The following ABCC9 variants were observed in gnomAD, a reference collection of about 807,000 sequenced individuals.
ABCC9 encodes ATP-binding cassette sub-family C member 9.
In ABCC9, 95 loss-of-function variants were observed where a neutral mutation model predicts 188.3. That is an observed-to-expected ratio of 0.50 (90% CI 0.43 to 0.60). The LOEUF is 0.60. Ranked by LOEUF, ABCC9 falls within the 20% of genes least tolerant of loss-of-function variation. The pLI is 0.00. For missense variants in ABCC9, 1,102 were observed against 1,876.3 expected, an observed-to-expected ratio of 0.59 and a Z score of 7.62; for synonymous variants, 659 against 652.7, an observed-to-expected ratio of 1.01 and a Z score of -0.15.
At chr12:21,925,299 GA>G in intron 5 of ABCC9, 2 of 494,244 alleles carry the variant, frequency 4.0e-6, no homozygotes, top group Non-Finnish European at 3.6e-6. Context: ...ATAAAATTAG[GA>G]ATATTTTAGA....
At chr12:21,896,079 C>CTT (rs5796933) in intron 12 of ABCC9, among the ~76,000 whole-genome samples, 5 of 128,044 alleles carry the variant, frequency 3.9e-5, no homozygotes, top group Middle Eastern at 4.2e-3. Flanking sequence ...ATCTAATTTT[C>CTT]TTTTTTTTTT....
chr12:21,915,961 C>T, intron 6 of ABCC9, 51 bp from the exon 7 acceptor site: 4 of 1,553,776 alleles, frequency 2.6e-6, no homozygotes, highest in Non-Finnish European at 3.5e-6. Context: ...TTATTTTCCA[C>T]ATATTAAAAA....
chr12:21,909,139 G>C (rs1337419527), intron 10 of ABCC9, among the ~76,000 whole-genome samples: 1 of 151,864 alleles, frequency 6.6e-6, no homozygotes, highest in Non-Finnish European at 1.5e-5. Flanking sequence ...GTCATTCAGA[G>C]ACTTTTGGTG....
chr12:21,812,245 T>G, intron 35 of ABCC9, 88 bp from the exon 36 acceptor site: 1 of 1,053,288 alleles, frequency 9.5e-7, no homozygotes, highest in South Asian at 1.3e-5. Flanking sequence ...ATTTCTTAGT[T>G]AGGGGTTGAA....
intron 2 of ABCC9, among the ~76,000 whole-genome samples, chr12:21,938,710 A>T (rs1335607580): frequency 1.3e-5 from 2 of 152,222 alleles, no homozygotes; most frequent in African/African-American, 4.8e-5. Context: ...AACTAGTATC[A>T]TTGAGGTAGA....
chr12:21,895,051 G>A (rs1230099392), intron 13 of ABCC9, among the ~76,000 whole-genome samples: 5 of 152,226 alleles, frequency 3.3e-5, no homozygotes, highest in East Asian at 1.9e-4. Context: ...GCTGCCAAAC[G>A]TCCTAACACA....
At chr12:21,845,533 G>T in intron 26 of ABCC9, 70 bp downstream of exon 26, 1 of 1,233,224 alleles carries the variant, frequency 8.1e-7, no homozygotes, top group East Asian at 2.4e-5. Context: ...CATCTAACTA[G>T]ATAAGAAGGT....
chr12:21,917,811 A>T (rs1205729404), intron 5 of ABCC9, among the ~76,000 whole-genome samples: 1 of 152,208 alleles, frequency 6.6e-6, no homozygotes, highest in East Asian at 1.9e-4. Flanking sequence ...TTTGGCAAGG[A>T]TACAATCTAC....
chr12:21,842,415 G>A lies in ABCC9; in HGVS notation c.3372C>T (p.Ala1124=), dbSNP rs1445361823. The A allele has an allele frequency of 1.2e-6, 2 of 1,613,980 alleles. No homozygotes were observed. The highest frequency in any genetic ancestry group is 1.7e-6 in the Non-Finnish European group (2 of 1,179,982). ...GAGTAGCATAAGAAATCATCCCAAT[G>A]GCAGACAGGCAGAGCAGTGTTGAGC... ...LTRSTLLCLS[A]IGMISYATPV... The change falls in exon 29 of 40, where the codon GCC becomes GCT. Residue 1124 remains alanine, a synonymous_variant. Coordinates refer to ENST00000261200, the MANE Select transcript of ABCC9 (RefSeq NM_020297.4).
chr12:21,861,987 G>C (rs1945531671), intron 20 of ABCC9, among the ~76,000 whole-genome samples: 1 of 152,056 alleles, frequency 6.6e-6, no homozygotes, highest in Non-Finnish European at 1.5e-5. Context: ...TGAAGATGCT[G>C]GGGGAAATGG....
chr12:21,817,411 A>C (rs774685334), intron 32 of ABCC9, 104 bp from the exon 33 acceptor site: 275 of 1,069,142 alleles, frequency 2.6e-4, no homozygotes, highest in Middle Eastern at 2.1e-4. Flanking sequence ...ATTAGTGTAC[A>C]TGTGTGATAC....
intron 4 of ABCC9, 135 bp downstream of exon 4, chr12:21,933,647 C>T (rs1381696015): frequency 2.1e-6 from 2 of 931,414 alleles, no homozygotes; most frequent in East Asian, 5.2e-5. Flanking sequence ...TAAGAACTTC[C>T]TGCAAGAGCT....
chr12:21,803,038 G>A (rs183590213), intron 39 of ABCC9, among the ~76,000 whole-genome samples: 2 of 151,634 alleles, frequency 1.3e-5, no homozygotes, highest in African/African-American at 4.8e-5. Flanking sequence ...TATGTATTAG[G>A]TTGGTGCAAA....
At chr12:21,902,505 A>G (rs544005211) in intron 12 of ABCC9, among the ~76,000 whole-genome samples, 60 of 152,374 alleles carry the variant, frequency 3.9e-4, no homozygotes, top group South Asian at 2.1e-3. Flanking sequence ...AAATGAATCC[A>G]GGAGCTGGTT....
Position 21,798,028 on chromosome 12 carries a change from T to C in ABCC9, c.*3016A>G, listed in dbSNP as rs936799410. 2 of 152,206 alleles carry C rather than the reference T, an allele frequency of 1.3e-5. No individual in the cohort carries two copies. The highest frequency in any genetic ancestry group is 2.9e-5 in the Non-Finnish European group (2 of 68,042). The allele number at this position is 152,206 out of a possible 1,614,324, so 9.4% of individuals were successfully genotyped here. A position where few individuals can be genotyped will look rare whatever the true frequency, so the allele number is the denominator to read the frequency against. On this transcript the variant is annotated 3_prime_UTR_variant, in exon 40 of 40. Transcript: ENST00000261200. Reference sequence around the variant, plus strand: ...ATAGATTATATGTATAATAAATGGTTAATCAATGAAAAACATTATCCTTGA... The same window carrying C: ...ATAGATTATATGTATAATAAATGGTCAATCAATGAAAAACATTATCCTTGA...
intron 24 of ABCC9, among the ~76,000 whole-genome samples, chr12:21,849,245 C>T (rs531096533): frequency 1.3e-5 from 2 of 152,106 alleles, no homozygotes; most frequent in Admixed American, 6.5e-5. Context: ...TGTGATTAGT[C>T]GCTAGGTAGT....
At chr12:21,870,013 G>A (rs1426189597) in intron 18 of ABCC9, among the ~76,000 whole-genome samples, 1 of 152,022 alleles carries the variant, frequency 6.6e-6, no homozygotes, top group Non-Finnish European at 1.5e-5. Flanking sequence ...TTGAAGATCT[G>A]CATACTTAGA....
chr12:21,910,350 AC>A (rs781103254), intron 9 of ABCC9, 38 bp from the exon 10 acceptor site: 14 of 1,534,472 alleles, frequency 9.1e-6, no homozygotes, highest in Non-Finnish European at 1.2e-5. Context: ...AAAGCTCTAA[AC>A]TTAAAATTGA....
intron 35 of ABCC9, among the ~76,000 whole-genome samples, chr12:21,812,697 C>A (rs1309435773): frequency 6.6e-6 from 1 of 151,584 alleles, no homozygotes; most frequent in Non-Finnish European, 1.5e-5. Context: ...TGGGGCCTCT[C>A]GAGGGGTAGG....
Sources: allele counts gnomAD v4.1 joint callset (sites outside exome capture counted in the v4.1 genomes callset), GRCh38; gene constraint gnomAD v4.1.1; transcripts MANE v1.5; gene names NCBI Gene and HGNC (gene_info 2026-07-23, HGNC 2026-07-21).